Variants in PLA2R1 observed in about 807,000 individuals in gnomAD.
PLA2R1 encodes secretory phospholipase A2 receptor.
A neutral mutation model predicts 195.9 loss-of-function variants in PLA2R1; 158 were observed. The ratio of observed to expected loss-of-function variants is 0.81; its 90% CI spans 0.71 to 0.92. The LOEUF is 0.92. PLA2R1 is among the 40% of genes least tolerant of loss of function. PLA2R1 has a pLI of 0.00. For synonymous variants in PLA2R1, 586 were observed against 598.2 expected (o/e 0.98, Z 0.30); for missense variants, 1,626 against 1,764.6 (o/e 0.92, Z 1.41).
At chr2:159,948,988 G>C (rs1574649108) in intron 25 of PLA2R1, among the ~76,000 whole-genome samples, 1 of 152,284 alleles carries the variant, frequency 6.6e-6, no homozygotes, top group East Asian at 1.9e-4. Flanking sequence ...AAAGGGGTTA[G>C]GCCAGGTGAA....
At chr2:159,958,942 C>G (rs1214562015) in intron 20 of PLA2R1, among the ~76,000 whole-genome samples, 1 of 152,084 alleles carries the variant, frequency 6.6e-6, no homozygotes, top group South Asian at 2.1e-4. Context: ...TAGTTTAAAC[C>G]CTTCAGGAAT....
At chr2:159,967,699 G>C (rs779350961) in intron 19 of PLA2R1, 21 bp from the exon 20 acceptor site, 1 of 1,610,104 alleles carries the variant, frequency 6.2e-7, no homozygotes, top group South Asian at 1.1e-5. Context: ...AAATGGGTTA[G>C]AAATGGCTTA....
intron 6 of PLA2R1, among the ~76,000 whole-genome samples, chr2:160,027,387 T>C (rs1558959507): frequency 6.6e-6 from 1 of 152,266 alleles, no homozygotes; most frequent in East Asian, 1.9e-4. Context: ...GTGGTAGCAA[T>C]TTCAGCAAAT....
In PLA2R1 at chr2:159,956,535, G is replaced by T. The variant is rs758969986; in HGVS notation, c.2997C>A (p.Val999=). 2.5e-6 allele frequency: 4 copies of T among 1,611,438 alleles called. No individual in the cohort carries two copies. The highest frequency in any genetic ancestry group is 1.7e-5 in the Admixed American group (1 of 59,998). Residue 999 remains valine, a synonymous_variant, in exon 21 of 30, where the codon GTC becomes GTA. Coordinates refer to ENST00000283243, the MANE Select transcript of PLA2R1 (RefSeq NM_007366.5). ...CTTGCTCCACCTCACTTTCAATGGC[G>T]ACCAGGGTCCCCCCTTCTTCAGCAC... The part of the protein sequence containing the change: ...HFCAEEGGTL[V]AIESEVEQAF...
chr2:159,941,912 T>C lies in PLA2R1; in HGVS notation c.4258A>G (p.Ile1420Val). 6.2e-7 allele frequency: 1 copy of C among 1,613,930 alleles called. No individual in the cohort carries two copies. The change falls in exon 30 of 30, where the codon ATA becomes GTA. Residue 1420 changes from isoleucine to valine, a missense_variant. Transcript: ENST00000283243. ...AAGAAGCCACCGTTATGCTTGTATA[T>C]GCAGAAGGAAAGTGTGCAAATGGCC... ...IVAICTLSFC[I>V]YKHNGGFFRR...
intron 6 of PLA2R1, among the ~76,000 whole-genome samples, chr2:160,024,480 C>T (rs1200094295): frequency 6.6e-6 from 1 of 152,130 alleles, no homozygotes; most frequent in Non-Finnish European, 1.5e-5. Flanking sequence ...GAAGTGGCAC[C>T]CTGCCTCCCA....
rs59379239 is a variant in PLA2R1 at position 160,018,633 on chromosome 2, AAAACAAACAAAC to A, written c.1452+1461_1452+1472del. ...GGTGACAGAGTGAGACTCTGTCTCA[AAAACAAACAAAC>A]AAACAAACAAACAAACAAACAAACA... On this transcript the variant is annotated intron_variant, in intron 8 of 29. Transcript: ENST00000283243. Among the ~76,000 whole-genome samples, 545 of 150,626 alleles carry A rather than the reference AAAACAAACAAAC, an allele frequency of 3.6e-3. 2 individuals are homozygous for A. The highest frequency in any genetic ancestry group is 6.3e-3 in the Non-Finnish European group (424 of 67,524).
At chr2:159,947,261 C>G (rs1263526114) in intron 26 of PLA2R1, among the ~76,000 whole-genome samples, 158 bp downstream of exon 26, 1 of 152,150 alleles carries the variant, frequency 6.6e-6, no homozygotes, top group East Asian at 1.9e-4. Context: ...AGCTGTCCTC[C>G]AAACAAGCAA....
chr2:159,976,602 A>T, intron 16 of PLA2R1, 83 bp downstream of exon 16: 1 of 855,822 alleles, frequency 1.2e-6, no homozygotes, highest in Non-Finnish European at 1.9e-6. Context: ...GAGAAATGTA[A>T]CAACACATTA....
intron 11 of PLA2R1, among the ~76,000 whole-genome samples, chr2:159,988,607 G>A (rs1213643465): frequency 6.6e-6 from 1 of 152,180 alleles, no homozygotes; most frequent in Non-Finnish European, 1.5e-5. Flanking sequence ...GAGTTTTCAA[G>A]GCATGCTTGT....
At chr2:159,996,964 C>T (rs1436288499) in intron 11 of PLA2R1, among the ~76,000 whole-genome samples, 2 of 152,152 alleles carry the variant, frequency 1.3e-5, no homozygotes, top group Non-Finnish European at 2.9e-5. Context: ...AAGCCCTTAG[C>T]ATATTAATCA....
Position 159,961,212 on chromosome 2 carries a change from G to A in PLA2R1, c.2905-4585C>T, listed in dbSNP as rs1307902270. Among the ~76,000 whole-genome samples, 3 of 152,156 alleles carry A rather than the reference G, an allele frequency of 2.0e-5. No individual in the cohort carries two copies. In the East Asian group the frequency reaches 5.8e-4, roughly 29 times the overall value. On this transcript the variant is annotated intron_variant, in intron 20 of 29. Transcript: ENST00000283243. ...ATGCGCAGGAGAAGGCACTGTGGGT[G>A]GGGAGACATGCATGGTGACTCTGAC...
chr2:160,028,379 G>A lies in PLA2R1; in HGVS notation c.956-18C>T. ...ATTTACCTCTGAAAATACAATGAGT[G>A]TCTTTAATATTAGAAGCAAAAGCAG... On this transcript the variant is annotated intron_variant, in intron 5 of 29. Transcript: ENST00000283243. 6.3e-7 allele frequency: 1 copy of A among 1,580,102 alleles called. No homozygotes were observed. The highest frequency in any genetic ancestry group is 8.7e-7 in the Non-Finnish European group (1 of 1,152,834).
At chr2:159,953,302 C>G (rs763530644) in intron 23 of PLA2R1, among the ~76,000 whole-genome samples, 2 of 152,214 alleles carry the variant, frequency 1.3e-5, no homozygotes, top group Non-Finnish European at 2.9e-5. Context: ...TGTGTCTCTT[C>G]TTATTCAGTT....
At chr2:159,996,734 C>T (rs1188847120) in intron 11 of PLA2R1, among the ~76,000 whole-genome samples, 1 of 152,026 alleles carries the variant, frequency 6.6e-6, no homozygotes, top group Non-Finnish European at 1.5e-5. Context: ...TCTTTTTCCT[C>T]TTTGTTTTTC....
chr2:160,018,374 T>G (rs1357924837), intron 8 of PLA2R1, among the ~76,000 whole-genome samples: 1 of 152,162 alleles, frequency 6.6e-6, no homozygotes, highest in African/African-American at 2.4e-5. Flanking sequence ...CAGGCGCGGT[T>G]GCCCATGCCA....
intron 10 of PLA2R1, among the ~76,000 whole-genome samples, chr2:160,010,142 A>G (rs1242351005): frequency 1.3e-5 from 2 of 152,190 alleles, no homozygotes; most frequent in Non-Finnish European, 2.9e-5. Flanking sequence ...AACTTAGGAG[A>G]AAATGAGATA....
chr2:159,945,341 C>T (rs1440109358), intron 27 of PLA2R1, among the ~76,000 whole-genome samples: 1 of 151,802 alleles, frequency 6.6e-6, no homozygotes, highest in African/African-American at 2.4e-5. Context: ...AATGCTATCC[C>T]TCCCTCCTCC....
rs567353293 is a variant in PLA2R1 at position 160,024,168 on chromosome 2, A to G, written c.1100-1309T>C. On this transcript the variant is annotated intron_variant, in intron 6 of 29. Transcript: ENST00000283243. ...GGTCTATTGCGCTGCACAATGTTGA[A>G]AAAAGAACCACTGCTAGAATGTCAT... 8.9e-4 allele frequency among the ~76,000 whole-genome samples: 135 copies of G among 152,236 alleles called. 1 individual carries two copies. The highest frequency in any genetic ancestry group is 3.2e-3 in the African/African-American group (131 of 41,540).
Sources: gnomAD v4.1 joint callset for allele counts (sites outside exome capture counted in the v4.1 genomes callset) on GRCh38, gnomAD v4.1.1 for gene constraint, MANE v1.5 for transcripts, NCBI Gene and HGNC (gene_info 2026-07-23, HGNC 2026-07-21) for gene names.